TMPRSS15: variants seen among roughly 807,000 people sequenced by gnomAD.
TMPRSS15 encodes transmembrane serine protease 15.
TMPRSS15 carries 128 observed loss-of-function variants against 125.3 expected under a neutral mutation model. That is an observed-to-expected ratio of 1.02 (90% CI 0.89 to 1.18). The LOEUF is 1.18. TMPRSS15 is among the 50% of genes most tolerant of loss of function. The probability of loss-of-function intolerance (pLI) is 0.00; values close to 1 mark genes in which losing one functional copy is unlikely to be tolerated. For missense variants in TMPRSS15, 1,283 were observed against 1,212.7 expected (o/e 1.06, Z -0.86); for synonymous variants, 446 against 423.2 (o/e 1.05, Z -0.66).
intron 16 of TMPRSS15, among the ~76,000 whole-genome samples, chr21:18,324,517 C>A (rs781739318): frequency 3.0e-4 from 46 of 152,108 alleles, no homozygotes; most frequent in Admixed American, 5.9e-4. Flanking sequence ...CCATCTTCTT[C>A]CAAATTTCTT....
chr21:18,389,964 C>T (rs1393442669), intron 3 of TMPRSS15, among the ~76,000 whole-genome samples: 2 of 152,148 alleles, frequency 1.3e-5, no homozygotes, highest in Non-Finnish European at 2.9e-5. Context: ...TTTAATTTGG[C>T]ACGAGTTCAT....
At chr21:18,471,564 A>G (rs528179216) in intron 1 of TMPRSS15, among the ~76,000 whole-genome samples, 5 of 152,240 alleles carry the variant, frequency 3.3e-5, no homozygotes, top group African/African-American at 1.2e-4. Context: ...GCAGTGCAGA[A>G]ATAAGGATAC....
chr21:18,305,328 A>T (rs2075024136), intron 18 of TMPRSS15, among the ~76,000 whole-genome samples: 2 of 151,452 alleles, frequency 1.3e-5, no homozygotes, highest in Non-Finnish European at 2.9e-5. Flanking sequence ...AGCTGGGACT[A>T]CAGGCGCCCG....
chr21:18,322,003 T>C (rs2075243802), intron 16 of TMPRSS15, among the ~76,000 whole-genome samples: 1 of 152,210 alleles, frequency 6.6e-6, no homozygotes, highest in Non-Finnish European at 1.5e-5. Flanking sequence ...CTTCATACAT[T>C]ACATACTAAT....
chr21:18,373,787 G>A (rs1276434560), intron 5 of TMPRSS15, among the ~76,000 whole-genome samples: 2 of 152,110 alleles, frequency 1.3e-5, no homozygotes, highest in Non-Finnish European at 2.9e-5. Flanking sequence ...TTGAACTCTT[G>A]ATTAGACCCC....
intron 6 of TMPRSS15, among the ~76,000 whole-genome samples, chr21:18,368,564 T>A (rs2075761610): frequency 6.6e-6 from 1 of 152,250 alleles, no homozygotes; most frequent in African/African-American, 2.4e-5. Flanking sequence ...CCTGAATGCC[T>A]AGAGCACAAC....
Position 18,442,681 on chromosome 21 carries a change from G to A in TMPRSS15, c.10+43118C>T, listed in dbSNP as rs17002656. Among the ~76,000 whole-genome samples, 843 of 152,210 alleles carry A rather than the reference G, an allele frequency of 5.5e-3. 8 individuals carry two copies. Among genetic ancestry groups the A allele is most frequent in the African/African-American group, 0.019 (802 of 41,520 alleles). On this transcript the variant is annotated intron_variant, in intron 1 of 7. Transcript: ENST00000422787. ...CTCTCTCAAGGACATCCAGCTAGTT[G>A]ATCAGAGTTCAAATACTGCTCTGTT...
chr21:18,305,368 T>C (rs2075025604), intron 18 of TMPRSS15, among the ~76,000 whole-genome samples: 1 of 151,982 alleles, frequency 6.6e-6, no homozygotes, highest in African/African-American at 2.4e-5. Flanking sequence ...TTTTGTATTT[T>C]TAGTAGAGAC....
chr21:18,334,408 T>C lies in TMPRSS15; in HGVS notation c.1565-2235A>G, dbSNP rs1289351705. Among the ~76,000 whole-genome samples the C allele has an allele frequency of 2.0e-5, 3 of 152,300 alleles. No homozygotes were observed. The East Asian group carries it at 5.8e-4, about 29-fold the overall frequency. On this transcript the variant is annotated intron_variant, in intron 13 of 24. Transcript: ENST00000284885. ...AAATCTTGCAAAGTGCTTCCATGCA[T>C]GTTATCTCATATGGGGAGAGAACGC...
chr21:18,287,227 G>A (rs2074775265), intron 21 of TMPRSS15, among the ~76,000 whole-genome samples: 2 of 152,156 alleles, frequency 1.3e-5, no homozygotes, highest in South Asian at 4.1e-4. Context: ...TAAGTGCTCA[G>A]CAAATGTCAT....
At chr21:18,310,228 A>G (rs567461049) in intron 18 of TMPRSS15, among the ~76,000 whole-genome samples, 1 of 152,316 alleles carries the variant, frequency 6.6e-6, no homozygotes, top group South Asian at 2.1e-4. Flanking sequence ...TAGAATAAAG[A>G]GAGAAATAAA....
In TMPRSS15 at chr21:18,275,251, A is replaced by C; in HGVS notation, c.2850T>G (p.Ile950Met). 2 of 1,614,026 alleles carry C rather than the reference A, an allele frequency of 1.2e-6. No homozygotes were observed. Among genetic ancestry groups the C allele is most frequent in the Non-Finnish European group, 1.7e-6 (2 of 1,179,924 alleles). Reference protein sequence around the residue: ...RCQQQMPEYNITENMICAGYE... With the variant: ...RCQQQMPEYNMTENMICAGYE... Reference sequence around the variant, plus strand: ...AGCCTGCACATATCATATTTTCAGTAATGTTATATTCTGGCATCTGCTGTT... The same window carrying C: ...AGCCTGCACATATCATATTTTCAGTCATGTTATATTCTGGCATCTGCTGTT... The change falls in exon 24 of 25, where the codon ATT becomes ATG. Residue 950 changes from isoleucine (I) to methionine (M), a missense_variant. Coordinates refer to ENST00000284885, the MANE Select transcript of TMPRSS15 (RefSeq NM_002772.3).
intron 6 of TMPRSS15, 40 bp downstream of exon 6, chr21:18,372,153 G>C (rs2075798150): frequency 6.4e-7 from 1 of 1,554,204 alleles, no homozygotes; most frequent in Non-Finnish European, 8.8e-7. Context: ...CAGTGAGGGA[G>C]GATAAAACAG....
At chr21:18,367,108 C>A (rs2075745576) in intron 6 of TMPRSS15, among the ~76,000 whole-genome samples, 1 of 151,292 alleles carries the variant, frequency 6.6e-6, no homozygotes. Context: ...AAAACAATGG[C>A]CTAGGAATTA....
intron 3 of TMPRSS15, among the ~76,000 whole-genome samples, chr21:18,391,009 TCA>T (rs1436321843): frequency 3.3e-5 from 5 of 152,108 alleles, no homozygotes. Flanking sequence ...TCATAAGAAC[TCA>T]CACACTGTCA....
At chr21:18,273,482 G>A (rs569868234) in intron 24 of TMPRSS15, among the ~76,000 whole-genome samples, 1 of 152,278 alleles carries the variant, frequency 6.6e-6, no homozygotes, top group Admixed American at 6.5e-5. Flanking sequence ...TACCTTATGT[G>A]GGAGACTTCT....
chr21:18,466,299 C>CA lies in TMPRSS15; in HGVS notation c.10+19499dup, dbSNP rs549174008. On this transcript the variant is annotated intron_variant, in intron 1 of 7. Transcript: ENST00000422787. Reference sequence around the variant, plus strand: ...AAGACTTAAATGTAAGACCTAAAGCCAAAAAACCCCTAGAAGAAAACCTAG... The same window carrying CA: ...AAGACTTAAATGTAAGACCTAAAGCCAAAAAAACCCCTAGAAGAAAACCTAG... Among the ~76,000 whole-genome samples the CA allele has an allele frequency of 1.4e-3, 216 of 151,998 alleles. 1 individual carries two copies. The highest frequency in any genetic ancestry group is 5.1e-3 in the African/African-American group (212 of 41,476).
At chr21:18,305,501 T>C (rs920680307) in intron 18 of TMPRSS15, among the ~76,000 whole-genome samples, 2 of 152,182 alleles carry the variant, frequency 1.3e-5, no homozygotes, top group Non-Finnish European at 2.9e-5. Context: ...TGAATTTCTA[T>C]AAATTTATCC....
At chr21:18,369,164 G>T (rs958772617) in intron 6 of TMPRSS15, among the ~76,000 whole-genome samples, 5 of 152,132 alleles carry the variant, frequency 3.3e-5, no homozygotes, top group Admixed American at 6.5e-5. Flanking sequence ...TATCAGAAAT[G>T]TTGCCTGTAA....
Sources: allele counts gnomAD v4.1 joint callset (sites outside exome capture counted in the v4.1 genomes callset), GRCh38; gene constraint gnomAD v4.1.1; transcripts MANE v1.5; gene names NCBI Gene and HGNC (gene_info 2026-07-23, HGNC 2026-07-21).